The following BAZ2B variants were observed in gnomAD, a reference collection of about 807,000 sequenced individuals.
BAZ2B encodes bromodomain adjacent to zinc finger domain 2B, also known as bromodomain adjacent to zinc finger domain protein 2B.
A neutral mutation model predicts 246.0 loss-of-function variants in BAZ2B; 91 were observed. The observed-to-expected ratio is 0.37, with a 90% CI of 0.31 to 0.44. BAZ2B has a LOEUF of 0.44. BAZ2B is among the 20% of genes least tolerant of loss of function. BAZ2B has a pLI of 1.00. For synonymous variants in BAZ2B, 855 were observed against 860.0 expected, an observed-to-expected ratio of 0.99 and a Z score of 0.10; for missense variants, 2,332 against 2,533.7, an observed-to-expected ratio of 0.92 and a Z score of 1.71.
At chr2:159,610,422 T>C (rs1180865048) in intron 1 of BAZ2B, among the ~76,000 whole-genome samples, 2 of 152,188 alleles carry the variant, frequency 1.3e-5, no homozygotes, top group Admixed American at 6.5e-5. Flanking sequence ...GACTGCCAAT[T>C]TGATGAACCT....
chr2:159,651,482 G>A, the BAZ2B span, among the ~76,000 whole-genome samples: 4 of 152,088 alleles, frequency 2.6e-5, no homozygotes, highest in Non-Finnish European at 4.4e-5. Context: ...CAGTAGTGTA[G>A]GTTTTCATTT....
intron 21 of BAZ2B, among the ~76,000 whole-genome samples, chr2:159,388,129 T>A (rs1009815004): frequency 8.6e-5 from 13 of 151,592 alleles, no homozygotes; most frequent in East Asian, 5.8e-4. Context: ...AGTATAATAA[T>A]AATAAAATAA....
At chr2:159,575,099 A>G (rs1303750174) in intron 1 of BAZ2B, among the ~76,000 whole-genome samples, 2 of 152,236 alleles carry the variant, frequency 1.3e-5, no homozygotes, top group Non-Finnish European at 2.9e-5. Context: ...CATATATTGT[A>G]TAATTCCACT....
intron 16 of BAZ2B, chr2:159,404,582 A>G (rs535502674): frequency 1.3e-4 from 42 of 316,768 alleles, no homozygotes; most frequent in African/African-American, 8.8e-4. Context: ...AAAATTGTTC[A>G]AGATATCAAC....
chr2:159,377,781 C>G (rs1355883981), intron 25 of BAZ2B, among the ~76,000 whole-genome samples: 11 of 139,568 alleles, frequency 7.9e-5, no homozygotes, highest in Non-Finnish European at 1.5e-5. Flanking sequence ...CCCTGCACTC[C>G]AGCCTGGGTG....
rs149366839 is a variant in BAZ2B, at chr2:159,349,295, C to T, written c.4864-15G>A. 2.2e-5 allele frequency: 35 copies of T among 1,566,090 alleles called. No individual in the cohort carries two copies. Among genetic ancestry groups the T allele is most frequent in the Middle Eastern group, 3.4e-4 (2 of 5,880 alleles). Reference sequence around the variant, plus strand: ...CCACCTTTCACCTGCAAAAAGAAAACATTTATTAATGAAAAGTAGATTACT... The same window carrying T: ...CCACCTTTCACCTGCAAAAAGAAAATATTTATTAATGAAAAGTAGATTACT... On this transcript the variant is annotated splice_polypyrimidine_tract_variant and intron_variant, in intron 28 of 36. Coordinates refer to ENST00000392783, the MANE Select transcript of BAZ2B (RefSeq NM_013450.4).
At chr2:159,663,812 C>T in the BAZ2B span, among the ~76,000 whole-genome samples, 172 of 150,034 alleles carry the variant, frequency 1.1e-3, no homozygotes, top group African/African-American at 4.0e-3. Flanking sequence ...CCACCGGGCC[C>T]GGCTGCCTGT....
At chr2:159,531,597 A>AG (rs1396384503) in intron 2 of BAZ2B, among the ~76,000 whole-genome samples, 2 of 152,226 alleles carry the variant, frequency 1.3e-5, no homozygotes, top group Non-Finnish European at 2.9e-5. Context: ...AGAAGGTCAC[A>AG]GCCTATATGC....
the BAZ2B span, among the ~76,000 whole-genome samples, chr2:159,643,507 A>G: frequency 6.6e-6 from 1 of 152,160 alleles, no homozygotes; most frequent in Admixed American, 6.6e-5. Flanking sequence ...CAGAGGATCT[A>G]AATATTCAGC....
the BAZ2B span, among the ~76,000 whole-genome samples, chr2:159,704,455 CCTCCCTCCCTCT>C: frequency 2.4e-5 from 3 of 123,024 alleles, no homozygotes; most frequent in Non-Finnish European, 5.2e-5. Flanking sequence ...TTCCTCCCTC[CCTCCCTCCCTCT>C]CTATCTTTCT....
intron 2 of BAZ2B, among the ~76,000 whole-genome samples, chr2:159,499,174 C>G (rs1410359902): frequency 6.6e-6 from 1 of 152,142 alleles, no homozygotes; most frequent in Non-Finnish European, 1.5e-5. Flanking sequence ...TCTCTCTCAC[C>G]CCCGTCCCCG....
At chr2:159,655,609 C>T in the BAZ2B span, among the ~76,000 whole-genome samples, 1 of 152,244 alleles carries the variant, frequency 6.6e-6, no homozygotes. Flanking sequence ...TCCCCCCTCA[C>T]CCTCATACTG....
chr2:159,397,167 C>A (rs535286625), intron 19 of BAZ2B, 178 bp downstream of exon 19: 4 of 1,436,084 alleles, frequency 2.8e-6, no homozygotes, highest in African/African-American at 1.4e-5. Context: ...AATTTTTTAA[C>A]CCCCCAAAAA....
At chr2:159,679,428 T>A in the BAZ2B span, among the ~76,000 whole-genome samples, 1 of 152,138 alleles carries the variant, frequency 6.6e-6, no homozygotes, top group Admixed American at 6.5e-5. Context: ...TAGTATAAAG[T>A]AAAATAGCAG....
intron 2 of BAZ2B, among the ~76,000 whole-genome samples, chr2:159,545,139 T>G (rs931406556): frequency 1.3e-5 from 2 of 152,246 alleles, no homozygotes; most frequent in African/African-American, 4.8e-5. Flanking sequence ...CTTTAGGCAA[T>G]AGCCCAAAGG....
At chr2:159,363,941 A>G (rs1358872771) in intron 27 of BAZ2B, among the ~76,000 whole-genome samples, 1 of 152,178 alleles carries the variant, frequency 6.6e-6, no homozygotes. Flanking sequence ...ACATAGAGAC[A>G]GGGAGATACT....
chr2:159,663,920 C>T, the BAZ2B span, among the ~76,000 whole-genome samples: 7 of 103,908 alleles, frequency 6.7e-5, no homozygotes, highest in African/African-American at 2.2e-4. Context: ...TACATGTGCA[C>T]ATTGTGCAGG....
the BAZ2B span, among the ~76,000 whole-genome samples, chr2:159,700,918 G>A: frequency 0.066 from 10,068 of 152,190 alleles, 433 homozygotes; most frequent in Middle Eastern, 0.19. Context: ...ATAAAGTGAT[G>A]TCTAATTTTT....
intron 13 of BAZ2B, among the ~76,000 whole-genome samples, chr2:159,415,889 A>G (rs769066473): frequency 3.9e-5 from 6 of 152,206 alleles, no homozygotes; most frequent in African/African-American, 7.2e-5. Context: ...TAGACTATAC[A>G]CTTTAATCTT....
Sources: allele counts gnomAD v4.1 joint callset (sites outside exome capture counted in the v4.1 genomes callset), GRCh38; gene constraint gnomAD v4.1.1; transcripts MANE v1.5; gene names NCBI Gene and HGNC (gene_info 2026-07-23, HGNC 2026-07-21).